CAPRIN2: variants seen among roughly 807,000 people sequenced by gnomAD.
The protein encoded by CAPRIN2 is caprin family member 2.
CAPRIN2 carries 66 observed loss-of-function variants against 130.4 expected under a neutral mutation model. That is an observed-to-expected ratio of 0.51 (90% CI 0.42 to 0.62). The LOEUF (loss-of-function observed/expected upper bound fraction) is 0.62. Ranked by LOEUF, CAPRIN2 falls within the 20% of genes least tolerant of loss-of-function variation. The pLI is 0.00. For synonymous variants in CAPRIN2, 471 were observed against 444.1 expected, an observed-to-expected ratio of 1.06 and a Z score of -0.76; for missense variants, 1,185 against 1,246.6, an observed-to-expected ratio of 0.95 and a Z score of 0.74.
At chr12:30,731,169 GGT>G (rs2062551808) in intron 6 of CAPRIN2, among the ~76,000 whole-genome samples, 172 bp downstream of exon 7, 1 of 152,078 alleles carries the variant, frequency 6.6e-6, no homozygotes, top group Non-Finnish European at 1.5e-5. Flanking sequence ...GGTAAATCAT[GGT>G]GATAAAGCCT....
chr12:30,713,200 T>C (rs987212151), intron 15 of CAPRIN2, among the ~76,000 whole-genome samples: 4 of 152,206 alleles, frequency 2.6e-5, no homozygotes, highest in Non-Finnish European at 5.9e-5. Context: ...AATATGCTGA[T>C]GTATTATAGA....
intron 8 of CAPRIN2, among the ~76,000 whole-genome samples, chr12:30,726,551 T>C (rs917222804): frequency 7.2e-5 from 11 of 152,144 alleles, no homozygotes; most frequent in African/African-American, 2.7e-4. Context: ...TACCCTAAAA[T>C]TGAGAGGGAT....
At chr12:30,715,222 CATT>C (rs1206917715) in intron 13 of CAPRIN2, 81 bp from the exon 16 acceptor site, 1 of 1,120,408 alleles carries the variant, frequency 8.9e-7, no homozygotes, top group East Asian at 2.4e-5. Flanking sequence ...ATATCAAAAT[CATT>C]AATACAATTT....
chr12:30,714,831 C>A, intron 14 of CAPRIN2, 128 bp downstream of exon 16: 1 of 636,900 alleles, frequency 1.6e-6, no homozygotes, highest in South Asian at 2.6e-5. Context: ...ACTTTATTAT[C>A]CACAAACAGG....
exon 7 of CAPRIN2, chr12:30,730,274 T>C: frequency 6.2e-7 from 1 of 1,608,420 alleles, no homozygotes; most frequent in Non-Finnish European, 8.5e-7. Flanking sequence ...GCAAATTCCA[T>C]TAGAGACTCT....
intron 8 of CAPRIN2, among the ~76,000 whole-genome samples, chr12:30,727,301 G>C (rs2137599725): frequency 6.6e-6 from 1 of 152,274 alleles, no homozygotes; most frequent in South Asian, 2.1e-4. Context: ...ATTAATATTA[G>C]CAACTTGAGA....
intron 2 of CAPRIN2, among the ~76,000 whole-genome samples, chr12:30,747,347 T>A (rs2071070539): frequency 6.6e-6 from 1 of 152,194 alleles, no homozygotes; most frequent in East Asian, 1.9e-4. Context: ...CTGCAGCCCA[T>A]GGATCAAGGA....
intron 14 of CAPRIN2, 85 bp from the exon 17 acceptor site, chr12:30,713,970 T>A: frequency 2.8e-6 from 2 of 703,470 alleles, no homozygotes; most frequent in South Asian, 4.2e-5. Context: ...GCTTTAAAAG[T>A]TAAATTGATT....
intron 5 of CAPRIN2, 30 bp from the exon 7 acceptor site, chr12:30,731,540 C>A (rs1178817611): frequency 6.4e-7 from 1 of 1,567,330 alleles, no homozygotes; most frequent in South Asian, 1.1e-5. Context: ...ACTTAATTGT[C>A]ACATGACCTA....
chr12:30,720,701 A>G (rs898226112), intron 12 of CAPRIN2, 110 bp downstream of exon 13: 2 of 677,296 alleles, frequency 3.0e-6, no homozygotes, highest in Non-Finnish European at 2.6e-6. Flanking sequence ...CAATACATTA[A>G]TAAAGTATAA....
intron 3 of CAPRIN2, among the ~76,000 whole-genome samples, chr12:30,736,202 G>A (rs2064702494): frequency 6.6e-6 from 1 of 151,150 alleles, no homozygotes; most frequent in Non-Finnish European, 1.5e-5. Flanking sequence ...AGCAGCCCTA[G>A]ATCTGCTCTA....
chr12:30,723,345 G>C, intron 10 of CAPRIN2, 31 bp from the exon 12 acceptor site: 1 of 1,514,298 alleles, frequency 6.6e-7, no homozygotes, highest in East Asian at 2.3e-5. Flanking sequence ...AGTAACTACT[G>C]AGGGAAGACA....
intron 15 of CAPRIN2, 73 bp from the exon 18 acceptor site, chr12:30,711,702 C>T (rs765535854): frequency 2.9e-5 from 36 of 1,237,356 alleles, no homozygotes; most frequent in Middle Eastern, 1.9e-4. Context: ...ACAGGACTAC[C>T]GGCTGGCAAA....
exon 1 of CAPRIN2, chr12:30,753,533 T>C (rs2074980347): frequency 5.0e-6 from 8 of 1,614,116 alleles, no homozygotes; most frequent in African/African-American, 2.7e-5. Flanking sequence ...TCCCCTCTCT[T>C]TCCTCCTCTG....
At chr12:30,746,575 G>T (rs2070544054) in intron 2 of CAPRIN2, among the ~76,000 whole-genome samples, 1 of 151,294 alleles carries the variant, frequency 6.6e-6, no homozygotes, top group Non-Finnish European at 1.5e-5. Flanking sequence ...TGTGTGGGGT[G>T]AAAGTGCTAC....
chr12:30,751,283 C>T, intron 1 of CAPRIN2, 150 bp from the exon 3 acceptor site: 1 of 645,010 alleles, frequency 1.6e-6, no homozygotes, highest in Non-Finnish European at 2.8e-6. Context: ...CATGCAGCAA[C>T]TGTAGATGAG....
At chr12:30,714,189 T>G (rs2056548112) in intron 14 of CAPRIN2, among the ~76,000 whole-genome samples, 1 of 152,140 alleles carries the variant, frequency 6.6e-6, no homozygotes, top group South Asian at 2.1e-4. Flanking sequence ...TTGTTGTTGT[T>G]TGCTTTTTTA....
chr12:30,733,658 C>A (rs369966776), exon 5 of CAPRIN2: 1 of 1,613,268 alleles, frequency 6.2e-7, no homozygotes, highest in Non-Finnish European at 8.5e-7. Flanking sequence ...TTTCTCACTA[C>A]CTTCCAAAAG....
chr12:30,712,817 C>T (rs1013070858), intron 15 of CAPRIN2, among the ~76,000 whole-genome samples: 6 of 145,878 alleles, frequency 4.1e-5, no homozygotes, highest in Non-Finnish European at 1.5e-5. Context: ...TCTCTGCTCA[C>T]TGCAACCTCC....
Sources: allele counts gnomAD v4.1 joint callset (sites outside exome capture counted in the v4.1 genomes callset), GRCh38; gene constraint gnomAD v4.1.1; transcripts MANE v1.5; gene names NCBI Gene and HGNC (gene_info 2026-07-23, HGNC 2026-07-21).